Variants in SAMD12 observed in about 807,000 individuals in gnomAD.
SAMD12 encodes the protein sterile alpha motif domain-containing protein 12.
In SAMD12, 9 loss-of-function variants were observed where a neutral mutation model predicts 15.0. That is an observed-to-expected ratio of 0.60 (90% CI 0.36 to 1.05). SAMD12 has a LOEUF of 1.05. Among genes scored for constraint, SAMD12 ranks in the 50% least tolerant of loss-of-function variants. The pLI is 0.01. For missense variants in SAMD12, 230 were observed against 234.2 expected, an observed-to-expected ratio of 0.98 and a Z score of 0.12; for synonymous variants, 86 against 90.1, an observed-to-expected ratio of 0.96 and a Z score of 0.25.
At chr8:118,272,165 C>A (rs1181361305) in intron 4 of SAMD12, among the ~76,000 whole-genome samples, 1 of 152,230 alleles carries the variant, frequency 6.6e-6, no homozygotes, top group Non-Finnish European at 1.5e-5. Context: ...GAAATCCAGG[C>A]AGAGGTTTCC....
chr8:118,266,014 C>T (rs1813187864), intron 4 of SAMD12, among the ~76,000 whole-genome samples: 1 of 152,056 alleles, frequency 6.6e-6, no homozygotes, highest in African/African-American at 2.4e-5. Flanking sequence ...TTAATTGACT[C>T]ACAATTCCAA....
intron 4 of SAMD12, among the ~76,000 whole-genome samples, chr8:118,200,570 G>A (rs1819687939): frequency 6.6e-6 from 1 of 152,136 alleles, no homozygotes; most frequent in South Asian, 2.1e-4. Context: ...TAATGAGTGG[G>A]GCATTGGGAA....
intron 2 of SAMD12, among the ~76,000 whole-genome samples, chr8:118,460,999 C>T (rs1048331350): frequency 1.3e-5 from 2 of 152,188 alleles, no homozygotes; most frequent in Non-Finnish European, 2.9e-5. Flanking sequence ...AATGGTTTAC[C>T]TGGTTAGGAT....
intron 4 of SAMD12, among the ~76,000 whole-genome samples, chr8:118,198,006 T>C (rs527801543): frequency 6.6e-6 from 1 of 152,358 alleles, no homozygotes; most frequent in East Asian, 1.9e-4. Context: ...ATCTCTGGAA[T>C]TGGCATCCAG....
chr8:118,570,061 G>C (rs1826965447), intron 2 of SAMD12, among the ~76,000 whole-genome samples: 1 of 152,152 alleles, frequency 6.6e-6, no homozygotes, highest in Non-Finnish European at 1.5e-5. Flanking sequence ...CCAGATCAGG[G>C]AGATGGGGCA....
intron 4 of SAMD12, among the ~76,000 whole-genome samples, chr8:118,371,367 T>G (rs62532693): frequency 0.23 from 35,216 of 152,014 alleles, 4,300 homozygotes; most frequent in African/African-American, 0.29. Flanking sequence ...ATAACTAGAA[T>G]GTTATTCAAA....
At chr8:118,422,178 A>G (rs1822027754) in intron 3 of SAMD12, among the ~76,000 whole-genome samples, 1 of 152,216 alleles carries the variant, frequency 6.6e-6, no homozygotes, top group Non-Finnish European at 1.5e-5. Context: ...ATTTAATCCA[A>G]TCAACACTTA....
chr8:118,614,397 G>T (rs1012334756), intron 1 of SAMD12, among the ~76,000 whole-genome samples: 4 of 152,172 alleles, frequency 2.6e-5, no homozygotes, highest in African/African-American at 9.7e-5. Context: ...GGTCCTGTGC[G>T]GAGCTGGGGT....
chr8:118,157,151 T>C, the SAMD12 span, among the ~76,000 whole-genome samples: 1 of 152,078 alleles, frequency 6.6e-6, no homozygotes, highest in Non-Finnish European at 1.5e-5. Flanking sequence ...AATTCAGGGG[T>C]AGCAATCAAA....
intron 4 of SAMD12, among the ~76,000 whole-genome samples, chr8:118,358,864 G>A (rs1385149393): frequency 6.6e-6 from 1 of 152,182 alleles, no homozygotes; most frequent in Non-Finnish European, 1.5e-5. Context: ...CACTGGATGA[G>A]AGAGAATGGT....
At chr8:118,497,728 G>A (rs1169165356) in intron 2 of SAMD12, among the ~76,000 whole-genome samples, 1 of 116,840 alleles carries the variant, frequency 8.6e-6, no homozygotes, top group Non-Finnish European at 1.7e-5. Context: ...AGTTGCGGGG[G>A]GGGGTGGGGG....
rs552343808 is a variant in SAMD12, at chr8:118,546,579, TG to T, written c.192+34135del. On this transcript the variant is annotated intron_variant, in intron 2 of 3. Transcript: ENST00000314727. ...ACTTTAAATTTAAATGTTTAATCTC[TG>T]TTAATTACAATGAGACATTTCTAGA... Among the ~76,000 whole-genome samples the T allele has an allele frequency of 9.8e-5, 15 of 152,354 alleles. No homozygotes were observed. The East Asian group carries it at 2.5e-3, about 25-fold the overall frequency.
intron 4 of SAMD12, among the ~76,000 whole-genome samples, chr8:118,309,415 T>TG (rs1442980110): frequency 2.0e-5 from 3 of 151,942 alleles, no homozygotes; most frequent in East Asian, 1.9e-4. Flanking sequence ...TGTATGTGTA[T>TG]TATCACATTT....
At position 118,592,937 on chromosome 8, in the gene SAMD12, T is replaced by C. The variant is rs1290660949; in HGVS notation, c.14-12044A>G. Among the ~76,000 whole-genome samples, 3 of 152,092 alleles carry C rather than the reference T, an allele frequency of 2.0e-5. No homozygotes were observed. In the East Asian group the frequency reaches 5.8e-4, roughly 29 times the overall value. ...AAACCACAGAAATATGTAAAAGCCATGAGAGGTTCTGGTTTGACTTAATGA... is the reference window on the plus strand; with the variant it reads ...AAACCACAGAAATATGTAAAAGCCACGAGAGGTTCTGGTTTGACTTAATGA... On this transcript the variant is annotated intron_variant, in intron 1 of 3. Coordinates refer to ENST00000314727, the MANE Select transcript of SAMD12 (RefSeq NM_207506.3).
chr8:118,391,202 A>G (rs1033951149), intron 3 of SAMD12, among the ~76,000 whole-genome samples: 1 of 152,240 alleles, frequency 6.6e-6, no homozygotes, highest in East Asian at 1.9e-4. Context: ...AGACTCAGTA[A>G]TTACTTGCCT....
chr8:118,171,963 G>A, the SAMD12 span, among the ~76,000 whole-genome samples: 1 of 152,224 alleles, frequency 6.6e-6, no homozygotes. Context: ...TAGGGTCATG[G>A]ATAAAGCTGG....
At chr8:118,594,605 A>G (rs1280572305) in intron 1 of SAMD12, among the ~76,000 whole-genome samples, 2 of 152,166 alleles carry the variant, frequency 1.3e-5, no homozygotes, top group Non-Finnish European at 2.9e-5. Context: ...TGAAAAAGGA[A>G]ACGTTTACCT....
intron 4 of SAMD12, among the ~76,000 whole-genome samples, chr8:118,358,427 C>T (rs765564608): frequency 4.6e-5 from 7 of 152,150 alleles, no homozygotes; most frequent in Admixed American, 1.3e-4. Context: ...CGCATTAAGT[C>T]TCACATGCCC....
Position 118,383,767 on chromosome 8 carries a change from A to G in SAMD12, c.323-4067T>C, listed in dbSNP as rs531949973. Among the ~76,000 whole-genome samples the G allele has an allele frequency of 3.9e-3, 596 of 152,188 alleles. 1 individual carries two copies. The highest frequency in any genetic ancestry group is 0.013 in the African/African-American group (559 of 41,522). On this transcript the variant is annotated intron_variant, in intron 3 of 3. Transcript: ENST00000314727. The stretch of plus-strand genomic sequence containing the variant: ...TTAGAAGAAGCTTAAAGTTTTTCAC[A>G]CTGCTCTTACTCCCTGCCTTTTACT...
Sources: allele counts gnomAD v4.1 joint callset (sites outside exome capture counted in the v4.1 genomes callset), GRCh38; gene constraint gnomAD v4.1.1; transcripts MANE v1.5; gene names NCBI Gene and HGNC (gene_info 2026-07-23, HGNC 2026-07-21).